The following PHLPP1 variants were observed in gnomAD, a reference collection of about 807,000 sequenced individuals.
The protein encoded by PHLPP1 is PH domain and leucine rich repeat protein phosphatase 1, also known as PH domain leucine-rich repeat-containing protein phosphatase 1.
In PHLPP1, 42 loss-of-function variants were observed where a neutral mutation model predicts 117.2. The observed-to-expected ratio is 0.36, with a 90% CI of 0.28 to 0.46. PHLPP1 has a LOEUF of 0.46. Among genes scored for constraint, PHLPP1 ranks in the 20% least tolerant of loss-of-function variants. The pLI, the probability that PHLPP1 is intolerant of heterozygous loss-of-function variation, is 1.00. For synonymous variants in PHLPP1, 1,042 were observed against 970.7 expected, an observed-to-expected ratio of 1.07 and a Z score of -1.37; for missense variants, 2,084 against 2,241.9, an observed-to-expected ratio of 0.93 and a Z score of 1.42.
intron 7 of PHLPP1, 101 bp from the exon 8 acceptor site, chr18:62,905,123 C>T: frequency 1.7e-6 from 1 of 586,238 alleles, no homozygotes; most frequent in Non-Finnish European, 2.7e-6. Flanking sequence ...ACTAAACAAA[C>T]AATAGAGAAT....
In PHLPP1 at chr18:62,972,550, T is replaced by G; in HGVS notation, c.3597T>G (p.Cys1199Trp). ...CAGCCCTGTCGGTGAATAACTTCTG[T>G]GACAACCGCGAAGCCCTGTATGGTG... is the stretch of plus-strand genomic sequence containing the variant. ...CVAALSVNNFCDNREALYGVF... is the reference protein window; with the variant it reads ...CVAALSVNNFWDNREALYGVF... The change falls in exon 15 of 17, where the codon TGT becomes TGG. Residue 1199 changes from cysteine to tryptophan, a missense_variant. By Grantham distance (215) the Cys-to-Trp change is radical. Around this residue, in one of 2 missense-constraint regions of PHLPP1, gnomAD observed 1,365 missense variants for 1,605.9 expected, o/e 0.85. Coordinates refer to ENST00000262719, the MANE Select transcript of PHLPP1 (RefSeq NM_194449.4). 6.2e-7 allele frequency: 1 copy of G among 1,613,316 alleles called. No individual in the cohort carries two copies. Among genetic ancestry groups the G allele is most frequent in the Non-Finnish European group, 8.5e-7 (1 of 1,179,860 alleles).
At chr18:62,904,406 A>C (rs1406778168) in intron 7 of PHLPP1, among the ~76,000 whole-genome samples, 9 of 152,220 alleles carry the variant, frequency 5.9e-5, no homozygotes, top group Non-Finnish European at 1.2e-4. Flanking sequence ...TTAATGTGAA[A>C]ATAGTGTGTA....
Position 62,941,883 on chromosome 18 carries a change from C to T in PHLPP1, c.3126C>T (p.His1042=), listed in dbSNP as rs1381185528. ...LTGHPHLKIL[H]MAYNRLQSFP... ...GACACCCCCATTTGAAGATCCTTCACATGGCCTATAACCGACTTCAGAGTT... is the reference window on the plus strand; with the variant it reads ...GACACCCCCATTTGAAGATCCTTCATATGGCCTATAACCGACTTCAGAGTT... The change falls in exon 11 of 17, where the codon CAC becomes CAT. Residue 1042 remains histidine (H), a synonymous_variant. Transcript: ENST00000262719. 6.2e-7 allele frequency: 1 copy of T among 1,614,014 alleles called. No homozygotes were observed. Among genetic ancestry groups the T allele is most frequent in the Non-Finnish European group, 8.5e-7 (1 of 1,179,862 alleles).
chr18:62,914,846 T>C, intron 8 of PHLPP1, 67 bp from the exon 9 acceptor site: 1 of 1,040,860 alleles, frequency 9.6e-7, no homozygotes, highest in Non-Finnish European at 1.5e-6. Flanking sequence ...TTCTTTGTAA[T>C]CAATTTGAGT....
chr18:62,840,044 A>G (rs910212055), intron 3 of PHLPP1, among the ~76,000 whole-genome samples: 2 of 152,044 alleles, frequency 1.3e-5, no homozygotes, highest in Non-Finnish European at 2.9e-5. Context: ...TGAATTGGTA[A>G]TTTAACTTGT....
At chr18:62,791,793 A>G (rs1285836276) in intron 1 of PHLPP1, among the ~76,000 whole-genome samples, 1 of 152,118 alleles carries the variant, frequency 6.6e-6, no homozygotes, top group Admixed American at 6.5e-5. Flanking sequence ...TATTAAAATG[A>G]CTAATTAATC....
chr18:62,716,435 G>A lies in PHLPP1; in HGVS notation c.752G>A (p.Gly251Glu). 7.5e-7 allele frequency: 1 copy of A among 1,331,980 alleles called. No homozygotes were observed. Among genetic ancestry groups the A allele is most frequent in the Non-Finnish European group, 9.6e-7 (1 of 1,044,710 alleles). The allele number at this position is 1,331,980 out of a possible 1,614,324, so 82.5% of individuals were successfully genotyped here. A position where few individuals can be genotyped will look rare whatever the true frequency, so the allele number is the denominator to read the frequency against. Residue 251 changes from glycine (G) to glutamate (E), a missense_variant, in exon 1 of 17, where the codon GGG (glycine) becomes GAG (glutamate). Coordinates refer to ENST00000262719, the MANE Select transcript of PHLPP1 (RefSeq NM_194449.4). The surrounding 1 kb of genome is among the most constrained non-coding windows in gnomAD (Gnocchi z 5.7). Reference protein sequence around the residue: ...GGGVVKVLGQGPGAAAAREPA... With the variant: ...GGGVVKVLGQEPGAAAAREPA... ...GGCGTGGTGAAGGTGCTGGGCCAGG[G>A]GCCCGGAGCCGCCGCCGCCCGGGAG...
intron 1 of PHLPP1, among the ~76,000 whole-genome samples, chr18:62,775,390 C>T (rs989485946): frequency 3.3e-5 from 5 of 152,210 alleles, no homozygotes; most frequent in African/African-American, 7.2e-5. Context: ...TGAGCCACCG[C>T]GCCCAGCCCA....
intron 1 of PHLPP1, among the ~76,000 whole-genome samples, chr18:62,749,298 T>TG (rs1269650598): frequency 6.7e-6 from 1 of 149,696 alleles, no homozygotes; most frequent in Non-Finnish European, 1.5e-5. Flanking sequence ...CTCCTGGGAG[T>TG]GGGGGAAAAA....
At chr18:62,849,812 A>ATATATATAT (rs1228015504) in intron 3 of PHLPP1, among the ~76,000 whole-genome samples, 1 of 44,274 alleles carries the variant, frequency 2.3e-5, no homozygotes, top group African/African-American at 9.0e-5. Context: ...AAAAAAAAAA[A>ATATATATAT]AAAAAAAAAA....
chr18:62,809,141 C>T (rs1198169110), intron 1 of PHLPP1, among the ~76,000 whole-genome samples: 1 of 152,132 alleles, frequency 6.6e-6, no homozygotes, highest in African/African-American at 2.4e-5. Flanking sequence ...AAGCCACCGC[C>T]GTTCCATTTT....
At chr18:62,947,619 A>C (rs968455077) in intron 12 of PHLPP1, among the ~76,000 whole-genome samples, 6 of 152,154 alleles carry the variant, frequency 3.9e-5, no homozygotes, top group Non-Finnish European at 7.3e-5. Flanking sequence ...CTCAAGATTA[A>C]ACCTCCTATT....
At chr18:62,773,017 A>G (rs951252745) in intron 1 of PHLPP1, among the ~76,000 whole-genome samples, 12 of 151,992 alleles carry the variant, frequency 7.9e-5, no homozygotes, top group African/African-American at 2.9e-4. Context: ...GCTGAGGCCC[A>G]GTCAAGGTTG....
At chr18:62,813,444 AAGAGG>A (rs1166378215) in intron 1 of PHLPP1, among the ~76,000 whole-genome samples, 1 of 152,158 alleles carries the variant, frequency 6.6e-6, no homozygotes, top group African/African-American at 2.4e-5. Flanking sequence ...GGAAGGAAGA[AAGAGG>A]GGAGTGGAAA....
rs534505289 is a variant in PHLPP1 at position 62,858,706 on chromosome 18, G to C, written c.1900-1729G>C. Among the ~76,000 whole-genome samples the C allele has an allele frequency of 2.0e-5, 3 of 152,244 alleles. No homozygotes were observed. The East Asian group carries it at 5.8e-4, about 29-fold the overall frequency. On this transcript the variant is annotated intron_variant, in intron 3 of 16. Coordinates refer to ENST00000262719, the MANE Select transcript of PHLPP1 (RefSeq NM_194449.4). ...AGCGCTTTGGGAGGCTGACGTGAGA[G>C]GATCAACCTAGCCTAGTAGTTTGAG... is the stretch of plus-strand genomic sequence containing the variant.
chr18:62,958,359 C>T (rs187421720), intron 12 of PHLPP1, among the ~76,000 whole-genome samples: 17 of 152,072 alleles, frequency 1.1e-4, no homozygotes, highest in Non-Finnish European at 1.6e-4. Context: ...TAATTTTAAA[C>T]GTGGAGATAA....
At position 62,840,858 on chromosome 18, in the gene PHLPP1, A is replaced by G. The variant is rs1344092823; in HGVS notation, c.1899+1949A>G. Among the ~76,000 whole-genome samples the G allele has an allele frequency of 3.9e-5, 6 of 152,206 alleles. No homozygotes were observed. The East Asian group carries it at 1.2e-3, about 29-fold the overall frequency. Reference sequence around the variant, plus strand: ...CTCTCAAGTATAAGAAACCATCATTAGTACTTAACTCTGAACTAACCTGTG... The same window carrying G: ...CTCTCAAGTATAAGAAACCATCATTGGTACTTAACTCTGAACTAACCTGTG... On this transcript the variant is annotated intron_variant, in intron 3 of 16. Transcript: ENST00000262719.
At chr18:62,764,641 A>C (rs1010460770) in intron 1 of PHLPP1, among the ~76,000 whole-genome samples, 10 of 151,860 alleles carry the variant, frequency 6.6e-5, no homozygotes, top group Admixed American at 6.6e-4. Context: ...AAGCCCAGCT[A>C]CTCGAGAGGC....
At position 62,891,534 on chromosome 18, in the gene PHLPP1, G is replaced by A. The variant is rs181510440; in HGVS notation, c.2067-3477G>A. ...CAGGAGGTGGAGGTTGCAGTGAGCC[G>A]AGATCACGCCACTGCACTCCAGCCT... is the stretch of plus-strand genomic sequence containing the variant. On this transcript the variant is annotated intron_variant, in intron 4 of 16. Coordinates refer to ENST00000262719, the MANE Select transcript of PHLPP1 (RefSeq NM_194449.4). Among the ~76,000 whole-genome samples, 729 of 151,946 alleles carry A rather than the reference G, an allele frequency of 4.8e-3. 4 individuals carry two copies. Among genetic ancestry groups the A allele is most frequent in the Middle Eastern group, 0.01 (3 of 288 alleles).
Sources: gnomAD v4.1 joint callset for allele counts (sites outside exome capture counted in the v4.1 genomes callset) on GRCh38, gnomAD v4.1.1 for gene constraint, gnomAD v4.1.1 regional missense constraint, Gnocchi (gnomAD v3.1) non-coding constraint, MANE v1.5 for transcripts, NCBI Gene and HGNC (gene_info 2026-07-23, HGNC 2026-07-21) for gene names.